MACROD2: variants seen among roughly 807,000 people sequenced by gnomAD.
MACROD2 encodes the protein mono-ADP ribosylhydrolase 2.
MACROD2 carries 36 observed loss-of-function variants against 70.4 expected under a neutral mutation model. That is an observed-to-expected ratio of 0.51 (90% confidence interval 0.39 to 0.68). The LOEUF is 0.68. Among genes scored for constraint, MACROD2 ranks in the 30% least tolerant of loss-of-function variants. The pLI is 0.00. For missense variants in MACROD2, 496 were observed against 538.4 expected (o/e 0.92, Z 0.78); for synonymous variants, 172 against 178.8 (o/e 0.96, Z 0.30).
intron 8 of MACROD2, among the ~76,000 whole-genome samples, chr20:15,723,244 A>C (rs1199659666): frequency 1.3e-5 from 2 of 152,196 alleles, no homozygotes; most frequent in Non-Finnish European, 2.9e-5. Context: ...CATCTTTCGT[A>C]ACACTGATAC....
At chr20:15,930,618 G>A (rs1016101803) in intron 10 of MACROD2, among the ~76,000 whole-genome samples, 32 of 152,174 alleles carry the variant, frequency 2.1e-4, no homozygotes, top group African/African-American at 7.2e-4. Flanking sequence ...TGATAAATGT[G>A]CCAAGTGTTT....
At chr20:14,502,262 A>T (rs1325803646) in intron 4 of MACROD2, among the ~76,000 whole-genome samples, 1 of 152,174 alleles carries the variant, frequency 6.6e-6, no homozygotes, top group Non-Finnish European at 1.5e-5. Context: ...CCACTTTTAT[A>T]ATCTTTTTTG....
At chr20:15,458,045 T>C (rs1282180224) in intron 7 of MACROD2, among the ~76,000 whole-genome samples, 1 of 152,152 alleles carries the variant, frequency 6.6e-6, no homozygotes, top group Admixed American at 6.6e-5. Context: ...AGGTATTTTT[T>C]AGTTCTGTTT....
chr20:14,531,421 G>A (rs1221508469), intron 4 of MACROD2, among the ~76,000 whole-genome samples: 1 of 152,192 alleles, frequency 6.6e-6, no homozygotes, highest in Non-Finnish European at 1.5e-5. Flanking sequence ...GTGGTCCCAA[G>A]CAAAGGGATG....
chr20:15,109,714 C>T (rs1002342792), intron 5 of MACROD2, among the ~76,000 whole-genome samples: 2 of 152,124 alleles, frequency 1.3e-5, no homozygotes, highest in African/African-American at 2.4e-5. Context: ...TGCATAAATA[C>T]GTGCACAATC....
intron 5 of MACROD2, among the ~76,000 whole-genome samples, chr20:15,212,039 A>G (rs2076768317): frequency 6.6e-6 from 1 of 152,136 alleles, no homozygotes; most frequent in African/African-American, 2.4e-5. Context: ...CTTTTTGTTG[A>G]TAGCCTTCCT....
At chr20:15,494,977 CACAT>C (rs1255503195) in intron 7 of MACROD2, among the ~76,000 whole-genome samples, 1 of 152,186 alleles carries the variant, frequency 6.6e-6, no homozygotes, top group East Asian at 1.9e-4. Context: ...TGGATACACA[CACAT>C]GCAACTCCCT....
At chr20:15,836,688 T>C (rs1426378374) in intron 8 of MACROD2, among the ~76,000 whole-genome samples, 6 of 152,240 alleles carry the variant, frequency 3.9e-5, no homozygotes, top group South Asian at 2.1e-4. Flanking sequence ...AGGGATTGAC[T>C]ATCCGTAATA....
intron 5 of MACROD2, chr20:14,757,509 C>A: frequency 1.7e-6 from 1 of 600,808 alleles, no homozygotes. Flanking sequence ...TCCCATATGT[C>A]TCTTTTTAAA....
At chr20:14,040,363 A>G (rs1569129634) in intron 2 of MACROD2, among the ~76,000 whole-genome samples, 3 of 152,200 alleles carry the variant, frequency 2.0e-5, no homozygotes, top group Admixed American at 6.5e-5. Flanking sequence ...GTAAAAATAG[A>G]GTGTAAAAGA....
intron 5 of MACROD2, among the ~76,000 whole-genome samples, chr20:14,972,999 G>A (rs889816301): frequency 2.0e-5 from 3 of 152,120 alleles, no homozygotes; most frequent in Admixed American, 2.0e-4. Flanking sequence ...TTTGCAGTTA[G>A]GAAAAGTTTT....
At chr20:15,657,976 A>C (rs2049756781) in intron 8 of MACROD2, among the ~76,000 whole-genome samples, 1 of 152,190 alleles carries the variant, frequency 6.6e-6, no homozygotes, top group African/African-American at 2.4e-5. Flanking sequence ...CTGGGCAACA[A>C]GAGCTAAACT....
At chr20:15,508,131 T>C (rs2047451973) in intron 8 of MACROD2, among the ~76,000 whole-genome samples, 1 of 152,174 alleles carries the variant, frequency 6.6e-6, no homozygotes, top group Admixed American at 6.5e-5. Flanking sequence ...CAGTCCTATG[T>C]AGATTAGGGT....
chr20:15,994,119 C>T (rs963421928), intron 15 of MACROD2, among the ~76,000 whole-genome samples: 6 of 152,118 alleles, frequency 3.9e-5, no homozygotes, highest in African/African-American at 1.4e-4. Flanking sequence ...CTATTTGATA[C>T]ATTTGATAGA....
chr20:14,930,552 C>A (rs913840360), intron 5 of MACROD2, among the ~76,000 whole-genome samples: 1 of 152,030 alleles, frequency 6.6e-6, no homozygotes, highest in Non-Finnish European at 1.5e-5. Flanking sequence ...GTCACAGGCA[C>A]CTAACTTTTA....
intron 3 of MACROD2, among the ~76,000 whole-genome samples, chr20:14,114,489 C>T (rs908893079): frequency 8.5e-5 from 13 of 152,052 alleles, no homozygotes; most frequent in African/African-American, 2.9e-4. Context: ...ATAGTAGCCT[C>T]CCCCTTTTAT....
At chr20:15,645,488 T>A (rs1359653153) in intron 8 of MACROD2, among the ~76,000 whole-genome samples, 1 of 152,204 alleles carries the variant, frequency 6.6e-6, no homozygotes, top group African/African-American at 2.4e-5. Context: ...AAATCCTTTT[T>A]CTCTGAAAAA....
intron 5 of MACROD2, among the ~76,000 whole-genome samples, chr20:14,951,164 T>C (rs571987945): frequency 6.6e-6 from 1 of 152,152 alleles, no homozygotes; most frequent in East Asian, 1.9e-4. Context: ...GTAGTGTTCA[T>C]GAATAGGCCA....
intron 5 of MACROD2, among the ~76,000 whole-genome samples, chr20:14,841,708 C>T (rs1206675723): frequency 6.6e-6 from 1 of 152,002 alleles, no homozygotes; most frequent in South Asian, 2.1e-4. Context: ...GTTAAAATGA[C>T]ATTATTATAA....
Sources: gnomAD v4.1 joint callset for allele counts (sites outside exome capture counted in the v4.1 genomes callset) on GRCh38, gnomAD v4.1.1 for gene constraint, MANE v1.5 for transcripts, NCBI Gene and HGNC (gene_info 2026-07-23, HGNC 2026-07-21) for gene names.